Variants in ZMIZ1 observed in about 807,000 individuals in gnomAD.
The protein encoded by ZMIZ1 is zinc finger MIZ domain-containing protein 1.
A neutral mutation model predicts 113.9 loss-of-function variants in ZMIZ1; 17 were observed. The ratio of observed to expected loss-of-function variants is 0.15; its 90% CI spans 0.10 to 0.22. The LOEUF is 0.22. Among genes scored for constraint, ZMIZ1 ranks in the 10% least tolerant of loss-of-function variants. ZMIZ1 has a pLI of 1.00. For synonymous variants in ZMIZ1, 607 were observed against 603.1 expected, an observed-to-expected ratio of 1.01 and a Z score of -0.09; for missense variants, 1,059 against 1,477.8, an observed-to-expected ratio of 0.72 and a Z score of 4.65.
intron 7 of ZMIZ1, among the ~76,000 whole-genome samples, chr10:79,237,181 G>A (rs535512826): frequency 3.3e-5 from 5 of 152,320 alleles, no homozygotes; most frequent in Admixed American, 6.5e-5. Flanking sequence ...GAAGGGCATC[G>A]AGGCTGGACC....
chr10:79,119,692 A>G (rs1319253243), intron 2 of ZMIZ1, among the ~76,000 whole-genome samples: 2 of 152,138 alleles, frequency 1.3e-5, no homozygotes, highest in African/African-American at 4.8e-5. Flanking sequence ...CCAACTTAAG[A>G]AAAAGGGAGA....
At chr10:79,249,566 T>G (rs1399959491) in intron 7 of ZMIZ1, among the ~76,000 whole-genome samples, 1 of 152,224 alleles carries the variant, frequency 6.6e-6, no homozygotes, top group East Asian at 1.9e-4. Context: ...AGCGTGGGAT[T>G]TACTGTGCTG....
chr10:79,237,821 C>CT (rs1849653788), intron 7 of ZMIZ1, among the ~76,000 whole-genome samples: 1 of 152,198 alleles, frequency 6.6e-6, no homozygotes, highest in Non-Finnish European at 1.5e-5. Flanking sequence ...TTGGTCTTTC[C>CT]TAGGACCTGG....
In ZMIZ1 at chr10:79,313,002, C is replaced by G; in HGVS notation, c.*253C>G. ...ACCCTTGGCTTGGGCCCATGCCCAG[C>G]GCAGGCCTGAAGACCACCCTCCCGA... On this transcript the variant is annotated 3_prime_UTR_variant, in exon 25 of 25. Transcript: ENST00000334512. 1 of 526,664 alleles carries G rather than the reference C, an allele frequency of 1.9e-6. No individual in the cohort carries two copies. The highest frequency in any genetic ancestry group is 3.4e-6 in the Non-Finnish European group (1 of 294,124). 32.6% of individuals were successfully genotyped at this position (526,664 alleles called of 1,614,324 possible).
intron 7 of ZMIZ1, among the ~76,000 whole-genome samples, chr10:79,217,379 C>T (rs948341913): frequency 6.6e-6 from 1 of 151,996 alleles, no homozygotes; most frequent in Non-Finnish European, 1.5e-5. Context: ...GAACCGAGAT[C>T]GCGCCACTGC....
chr10:79,174,042 G>T (rs190808587), intron 4 of ZMIZ1, among the ~76,000 whole-genome samples: 26 of 152,332 alleles, frequency 1.7e-4, no homozygotes, highest in African/African-American at 6.3e-4. Context: ...AAGGGCTCTT[G>T]CTCATCCTCA....
intron 5 of ZMIZ1, 35 bp downstream of exon 5, chr10:79,201,727 G>A (rs1438666337): frequency 1.2e-6 from 2 of 1,607,420 alleles, no homozygotes; most frequent in East Asian, 2.2e-5. Context: ...CGAGGGCGGG[G>A]CAGATGGGGC....
chr10:79,084,958 T>C (rs1334400969), intron 1 of ZMIZ1, among the ~76,000 whole-genome samples: 1 of 152,118 alleles, frequency 6.6e-6, no homozygotes, highest in East Asian at 1.9e-4. Context: ...CACAGGCCCC[T>C]GGGTCTCCTT....
chr10:79,175,487 C>G (rs1846792141), intron 4 of ZMIZ1, among the ~76,000 whole-genome samples: 1 of 150,088 alleles, frequency 6.7e-6, no homozygotes, highest in Non-Finnish European at 1.5e-5. Flanking sequence ...AGAGGGCACC[C>G]TTCCTGCAGG....
chr10:79,226,648 G>A (rs1849210788), intron 7 of ZMIZ1, among the ~76,000 whole-genome samples: 2 of 152,236 alleles, frequency 1.3e-5, no homozygotes, highest in Admixed American at 1.3e-4. Context: ...GGATTCGAGG[G>A]TGTGAGAGTG....
intron 7 of ZMIZ1, among the ~76,000 whole-genome samples, chr10:79,270,128 C>G (rs1177211976): frequency 6.6e-6 from 1 of 152,208 alleles, no homozygotes; most frequent in Non-Finnish European, 1.5e-5. Context: ...CACGCCTGAG[C>G]AAGCCAGGAC....
intron 7 of ZMIZ1, among the ~76,000 whole-genome samples, chr10:79,275,429 G>A (rs1852221973): frequency 6.6e-6 from 1 of 152,242 alleles, no homozygotes; most frequent in African/African-American, 2.4e-5. Context: ...TGCCTTCTTG[G>A]TTGGGCATCT....
intron 3 of ZMIZ1, among the ~76,000 whole-genome samples, chr10:79,158,881 T>C (rs956968878): frequency 4.6e-5 from 7 of 152,222 alleles, no homozygotes; most frequent in Admixed American, 3.3e-4. Context: ...CTCAGTGTCA[T>C]GTTCTGCAAA....
intron 2 of ZMIZ1, among the ~76,000 whole-genome samples, chr10:79,134,969 C>T (rs925326819): frequency 1.3e-5 from 2 of 152,052 alleles, no homozygotes; most frequent in Non-Finnish European, 2.9e-5. Flanking sequence ...CAGGCATGCG[C>T]CACCACACCC....
chr10:79,147,632 G>A (rs1430499149), intron 3 of ZMIZ1, among the ~76,000 whole-genome samples: 1 of 152,174 alleles, frequency 6.6e-6, no homozygotes, highest in East Asian at 1.9e-4. Flanking sequence ...TGGATGGGCA[G>A]CATCACCTTT....
chr10:79,299,238 C>T (rs745976561), intron 16 of ZMIZ1, 47 bp downstream of exon 16: 47 of 1,563,136 alleles, frequency 3.0e-5, no homozygotes, highest in African/African-American at 8.1e-5. Flanking sequence ...TGAAGGAGGT[C>T]CCCTGGGATG....
intron 5 of ZMIZ1, among the ~76,000 whole-genome samples, chr10:79,203,270 A>G (rs1848176382): frequency 6.6e-6 from 1 of 152,224 alleles, no homozygotes; most frequent in Admixed American, 6.5e-5. Context: ...TCTTCTTATT[A>G]GCATCGAGCA....
intron 1 of ZMIZ1, among the ~76,000 whole-genome samples, chr10:79,108,037 C>T (rs1843618771): frequency 6.6e-6 from 1 of 152,220 alleles, no homozygotes; most frequent in South Asian, 2.1e-4. Context: ...CCTCCCAACA[C>T]AGTCACCAGT....
chr10:79,119,276 C>T (rs377183617), intron 2 of ZMIZ1, among the ~76,000 whole-genome samples: 2 of 152,182 alleles, frequency 1.3e-5, no homozygotes, highest in Non-Finnish European at 2.9e-5. Context: ...CTCCCAGTAT[C>T]GCCTTGGGTA....
Sources: allele counts gnomAD v4.1 joint callset (sites outside exome capture counted in the v4.1 genomes callset), GRCh38; gene constraint gnomAD v4.1.1; transcripts MANE v1.5; gene names NCBI Gene and HGNC (gene_info 2026-07-23, HGNC 2026-07-21).